The following DKC1 variants were observed in gnomAD, a reference collection of about 807,000 sequenced individuals.
DKC1 encodes dyskerin pseudouridine synthase 1.
A neutral mutation model predicts 46.7 loss-of-function variants in DKC1; 4 were observed. The ratio of observed to expected loss-of-function variants is 0.09; its 90% CI spans 0.04 to 0.20. The LOEUF (loss-of-function observed/expected upper bound fraction) is 0.20. Ranked by LOEUF, DKC1 falls within the 10% of genes least tolerant of loss-of-function variation. The probability of loss-of-function intolerance (pLI) is 1.00; values close to 1 mark genes in which losing one functional copy is unlikely to be tolerated. For missense variants in DKC1, 171 were observed against 404.2 expected, an observed-to-expected ratio of 0.42 and a Z score of 4.95; for synonymous variants, 141 against 142.4, an observed-to-expected ratio of 0.99 and a Z score of 0.07.
At chrX:154,763,605 C>T (rs1188042069) in intron 1 of DKC1, among the ~76,000 whole-genome samples, 1 of 112,016 alleles carries the variant, frequency 8.9e-6, no homozygotes, top group Admixed American at 9.4e-5. Context: ...ATACATTTGG[C>T]CTTACACACC....
intron 10 of DKC1, among the ~76,000 whole-genome samples, chrX:154,772,433 TC>T (rs1381652661): frequency 3.6e-5 from 4 of 112,413 alleles, no homozygotes; most frequent in Non-Finnish European, 7.5e-5. Flanking sequence ...CTTATTCTGT[TC>T]CATTGGTTTA....
chrX:154,774,786 G>T, intron 12 of DKC1, 81 bp downstream of exon 12: 1 of 869,350 alleles, frequency 1.2e-6, no homozygotes, highest in Non-Finnish European at 1.7e-6. Context: ...TCAACAACAG[G>T]TGAGGATGGG....
chrX:154,765,029 A>G (rs2071728465), intron 2 of DKC1, 63 bp downstream of exon 2: 2 of 964,261 alleles, frequency 2.1e-6, no homozygotes, highest in South Asian at 2.0e-5. Flanking sequence ...ATAACAAACT[A>G]AAGGAAAGAA....
chrX:154,770,030 T>C (rs782799106), intron 9 of DKC1, among the ~76,000 whole-genome samples: 6 of 111,824 alleles, frequency 5.4e-5, no homozygotes, highest in African/African-American at 2.0e-4. Context: ...GACTTTTGTG[T>C]GATTGGTTCA....
At chrX:154,767,927 T>C in intron 7 of DKC1, 1 of 219,757 alleles carries the variant, frequency 4.6e-6, no homozygotes, top group South Asian at 5.4e-5. Flanking sequence ...CTCGGCTCAC[T>C]GCAAACTCTG....
intron 12 of DKC1, 184 bp from the exon 13 acceptor site, chrX:154,775,010 AT>A (rs782383069): frequency 3.4e-6 from 2 of 589,168 alleles, no homozygotes; most frequent in Admixed American, 4.4e-5. Flanking sequence ...GCAGACAGTT[AT>A]CCCTTTCTAG....
Position 154,769,171 on chromosome X carries a change from A to C in DKC1, c.776A>C (p.His259Pro), listed in dbSNP as rs61757608. 5.5e-4 allele frequency: 661 copies of C among 1,209,170 alleles called. 1 individual carries two copies. In the African/African-American group the frequency reaches 0.011, roughly 19 times the overall value. Residue 259 changes from histidine (H) to proline (P), a missense_variant, in exon 9 of 15, where the codon CAC becomes CCC. By Grantham distance (77) the His-to-Pro change is moderately conservative. Transcript: ENST00000369550. ...VRSGVMSEKD[H>P]MVTMHDVLDA... ...TCATACATGGCTGCTTTTCAGGACC[A>C]CATGGTGACAATGCATGATGTGCTT... is the stretch of plus-strand genomic sequence containing the variant.
At chrX:154,765,302 T>C (rs111957777) in intron 2 of DKC1, 142 bp from the exon 3 acceptor site, 1 of 583,764 alleles carries the variant, frequency 1.7e-6, no homozygotes, top group Non-Finnish European at 3.1e-6. Flanking sequence ...TCATTTCTTC[T>C]CTCTCTTTCC....
rs782416470 is a variant in DKC1 at position 154,766,398 on chromosome X, C to T, written c.446C>T (p.Ala149Val). The change falls in exon 5 of 15, where the codon GCA (alanine) becomes GTA (valine). Residue 149 changes from alanine (A) to valine (V), a missense_variant and splice_region_variant. Transcript: ENST00000369550. Reference protein sequence around the residue: ...ATRLVKSQQSAGKEYVGIVRL... With the variant: ...ATRLVKSQQSVGKEYVGIVRL... ...CGCTTGGTGAAGTCACAACAGAGTG[C>T]AGGTATGTGGGAGAGGGAGGGAAGG... 3.3e-6 allele frequency: 4 copies of T among 1,205,171 alleles called. No individual in the cohort carries two copies. The Admixed American group carries it at 8.8e-5, about 26-fold the overall frequency.
intron 7 of DKC1, chrX:154,768,089 A>T (rs2071773228): frequency 2.3e-6 from 1 of 435,366 alleles, no homozygotes; most frequent in Admixed American, 3.3e-5. Context: ...TGACGTCGTG[A>T]TCCACCCGCC....
Position 154,767,042 on chromosome X carries a change from G to A in DKC1, c.494G>A (p.Gly165Glu). 4 of 1,211,254 alleles carry A rather than the reference G, an allele frequency of 3.3e-6. No homozygotes were observed. The highest frequency in any genetic ancestry group is 3.4e-6 in the Non-Finnish European group (3 of 895,055). The part of the protein sequence containing the change: ...GIVRLHNAIE[G>E]GTQLSRALET... ...GTCCGGCTGCACAATGCTATTGAAG[G>A]GGGGACCCAGCTTTCTAGGGTAAGT... is the stretch of plus-strand genomic sequence containing the variant. Residue 165 changes from glycine to glutamate, a missense_variant, in exon 6 of 15, where the codon GGG (glycine) becomes GAG (glutamate). Transcript: ENST00000369550.
intron 11 of DKC1, among the ~76,000 whole-genome samples, chrX:154,773,845 G>A (rs967686235): frequency 2.7e-4 from 30 of 112,240 alleles, no homozygotes; most frequent in Non-Finnish European, 4.9e-4. Context: ...TGGCGGCCGG[G>A]CAGAGGGGCT....
chrX:154,770,782 C>T lies in DKC1; in HGVS notation c.939C>T (p.Ala313=). The T allele has an allele frequency of 8.3e-7, 1 of 1,211,205 alleles. No homozygotes were observed. The highest frequency in any genetic ancestry group is 2.3e-4 in the Middle Eastern group (1 of 4,351). The change falls in exon 10 of 15, where the codon GCC becomes GCT. Residue 313 remains alanine, a synonymous_variant. Coordinates refer to ENST00000369550, the MANE Select transcript of DKC1 (RefSeq NM_001363.5). ...DSAVNAICYG[A]KIMLPGVLRY... The stretch of plus-strand genomic sequence containing the variant: ...AGGTAAATGCCATCTGCTATGGGGC[C>T]AAGATTATGCTTCCAGGTGTTCTTC...
chrX:154,770,483 A>G (rs1557264782), intron 9 of DKC1, among the ~76,000 whole-genome samples: 2 of 108,157 alleles, frequency 1.8e-5, no homozygotes, highest in African/African-American at 6.7e-5. Flanking sequence ...AAAAAAAAAA[A>G]AAAAAAGAAA....
At chrX:154,775,925 T>C (rs894516139) in intron 13 of DKC1, among the ~76,000 whole-genome samples, 1 of 111,840 alleles carries the variant, frequency 8.9e-6, no homozygotes, top group East Asian at 2.8e-4. Flanking sequence ...GAGAAACAGC[T>C]CCTCCGGGCC....
rs1557265437 is a variant in DKC1, at chrX:154,774,716, G to C, written c.1259+11G>C. 8.4e-7 allele frequency: 1 copy of C among 1,189,894 alleles called. No homozygotes were observed. ...GTATGTTGACTACAGGTGAGGGCAG[G>C]ATGTTTCAGAGCCGGGGTGGGTAGA... On this transcript the variant is annotated intron_variant, in intron 12 of 14. Transcript: ENST00000369550.
chrX:154,763,083 G>A, intron 1 of DKC1, 102 bp downstream of exon 1: 1 of 1,018,578 alleles, frequency 9.8e-7, no homozygotes, highest in Non-Finnish European at 1.3e-6. Context: ...TCTGGTTCCC[G>A]CCGGCGTGTC....
Position 154,773,218 on chromosome X carries a change from C to A in DKC1, c.1124C>A (p.Thr375Asn). ...AAGAGAGTGATCATGGAGAGAGACA[C>A]TTACCCTCGGAAGTGGGGTTTAGGT... ...KIKRVIMERDTYPRKWGLGPK... is the reference protein window; with the variant it reads ...KIKRVIMERDNYPRKWGLGPK... Residue 375 changes from threonine (T) to asparagine (N), a missense_variant, in exon 11 of 15, where the codon ACT (threonine) becomes AAT (asparagine). Thr to Asn is a moderately conservative substitution (Grantham distance 65, BLOSUM62 0). Around this residue, in one of 4 missense-constraint regions of DKC1, gnomAD observed 60 missense variants for 206.5 expected, o/e 0.29. Transcript: ENST00000369550. 8.3e-7 allele frequency: 1 copy of A among 1,204,045 alleles called. No homozygotes were observed. Among genetic ancestry groups the A allele is most frequent in the Non-Finnish European group, 1.1e-6 (1 of 890,515 alleles).
intron 13 of DKC1, 82 bp downstream of exon 13, chrX:154,775,355 C>A: frequency 1.1e-6 from 1 of 937,465 alleles, no homozygotes; most frequent in Non-Finnish European, 1.5e-6. Flanking sequence ...TACTTTGTGA[C>A]TGTCCGCAGT....
Sources: gnomAD v4.1 joint callset for allele counts (sites outside exome capture counted in the v4.1 genomes callset) on GRCh38, gnomAD v4.1.1 for gene constraint, gnomAD v4.1.1 regional missense constraint, MANE v1.5 for transcripts, NCBI Gene and HGNC (gene_info 2026-07-23, HGNC 2026-07-21) for gene names.